The following SCG3 variants were observed in gnomAD, a reference collection of about 807,000 sequenced individuals.
SCG3 encodes the protein secretogranin III.
Under a neutral mutation model 56.2 loss-of-function variants are expected in SCG3, and 38 were observed. The ratio of observed to expected loss-of-function variants is 0.68; its 90% CI spans 0.52 to 0.89. The LOEUF (loss-of-function observed/expected upper bound fraction) is 0.89. Among genes scored for constraint, SCG3 ranks in the 40% least tolerant of loss-of-function variants. The pLI, the probability that SCG3 is intolerant of heterozygous loss-of-function variation, is 0.00. For synonymous variants in SCG3, 176 were observed against 184.2 expected, an observed-to-expected ratio of 0.96 and a Z score of 0.36; for missense variants, 524 against 540.7, an observed-to-expected ratio of 0.97 and a Z score of 0.31.
chr15:51,696,793 G>T (rs958487331), intron 8 of SCG3, among the ~76,000 whole-genome samples: 1 of 152,120 alleles, frequency 6.6e-6, no homozygotes. Flanking sequence ...TCGGAGGACA[G>T]CACCAAGGAG....
At chr15:51,702,851 G>C (rs1481093165) in intron 10 of SCG3, among the ~76,000 whole-genome samples, 1 of 152,160 alleles carries the variant, frequency 6.6e-6, no homozygotes, top group Non-Finnish European at 1.5e-5. Flanking sequence ...TGGCATCTTT[G>C]ATATAATTGG....
At chr15:51,705,844 T>A (rs1445100082) in intron 10 of SCG3, among the ~76,000 whole-genome samples, 1 of 152,178 alleles carries the variant, frequency 6.6e-6, no homozygotes, top group East Asian at 1.9e-4. Flanking sequence ...TTCTTTGCAA[T>A]GGCTCTCCTA....
At chr15:51,688,206 G>A in intron 4 of SCG3, 54 bp from the exon 5 acceptor site, 2 of 1,514,496 alleles carry the variant, frequency 1.3e-6, no homozygotes, top group Non-Finnish European at 9.1e-7. Flanking sequence ...ATAATATGAT[G>A]CATGAAATAG....
At chr15:51,713,665 G>A (rs972673884) in intron 11 of SCG3, among the ~76,000 whole-genome samples, 3 of 152,170 alleles carry the variant, frequency 2.0e-5, no homozygotes, top group African/African-American at 2.4e-5. Context: ...AACGTAGAAC[G>A]AATAGCATAA....
chr15:51,717,383 A>T (rs931461031), intron 11 of SCG3, among the ~76,000 whole-genome samples: 2 of 151,086 alleles, frequency 1.3e-5, no homozygotes. Flanking sequence ...AAAAAAAAAA[A>T]TTAGCCAGGT....
intron 10 of SCG3, 167 bp from the exon 11 acceptor site, chr15:51,713,166 C>A: frequency 2.2e-6 from 1 of 460,368 alleles, no homozygotes; most frequent in Non-Finnish European, 3.9e-6. Flanking sequence ...CCTCAACACA[C>A]AAACACACAT....
intron 5 of SCG3, 148 bp from the exon 6 acceptor site, chr15:51,689,071 G>A: frequency 5.0e-6 from 4 of 799,042 alleles, no homozygotes; most frequent in Non-Finnish European, 8.3e-6. Flanking sequence ...CCAGCATGTG[G>A]TGCAGGCGTA....
intron 10 of SCG3, among the ~76,000 whole-genome samples, chr15:51,712,363 G>T (rs28555597): frequency 0.17 from 25,737 of 152,112 alleles, 2,512 homozygotes; most frequent in Non-Finnish European, 0.21. Context: ...TAAGCCATCT[G>T]GTACTTTCTA....
chr15:51,713,384 A>C lies in SCG3; in HGVS notation c.1259A>C (p.Lys420Thr). ...ATCAGAAAAAATATTGAATGGTTGA[A>C]GAAACATGACAAAAAGGGAAATAAA... Reference protein sequence around the residue: ...EAIRKNIEWLKKHDKKGNKED... With the variant: ...EAIRKNIEWLTKHDKKGNKED... Residue 420 changes from lysine (K) to threonine (T), a missense_variant, in exon 11 of 12, where the codon AAG becomes ACG. Physicochemically the swap from Lys to Thr is moderately conservative, Grantham distance 78. Coordinates refer to ENST00000220478, the MANE Select transcript of SCG3 (RefSeq NM_013243.4). 1 of 1,605,438 alleles carries C rather than the reference A, an allele frequency of 6.2e-7. No individual in the cohort carries two copies.
chr15:51,700,539 T>C (rs1046012600), intron 9 of SCG3, among the ~76,000 whole-genome samples: 3 of 152,168 alleles, frequency 2.0e-5, no homozygotes, highest in African/African-American at 4.8e-5. Context: ...AGTCTCTTCT[T>C]CGAATTTAGG....
intron 10 of SCG3, among the ~76,000 whole-genome samples, chr15:51,703,988 T>C (rs1389291692): frequency 6.6e-6 from 1 of 151,836 alleles, no homozygotes; most frequent in East Asian, 1.9e-4. Context: ...TCAACTCCAA[T>C]TGTTTGGTAG....
At chr15:51,703,156 G>A (rs1206253481) in intron 10 of SCG3, among the ~76,000 whole-genome samples, 1 of 152,140 alleles carries the variant, frequency 6.6e-6, no homozygotes, top group Non-Finnish European at 1.5e-5. Flanking sequence ...TTGTTATGAT[G>A]TGATATGAGA....
In SCG3 at chr15:51,710,752, ATT is replaced by A. The variant is rs60536489; in HGVS notation, c.1208-2559_1208-2558del. Among the ~76,000 whole-genome samples, 862 of 105,254 alleles carry A rather than the reference ATT, an allele frequency of 8.2e-3. 11 individuals are homozygous for A. The highest frequency in any genetic ancestry group is 0.031 in the African/African-American group (826 of 26,868). 69.1% of individuals were successfully genotyped at this position (105,254 alleles called of 152,430 possible). On this transcript the variant is annotated intron_variant, in intron 10 of 11. Coordinates refer to ENST00000220478, the MANE Select transcript of SCG3 (RefSeq NM_013243.4). ...AGATGCACACCACCATGCCTGGCTA[ATT>A]TTTTTTTTTTTTTTTTTTTTTGGTA...
At chr15:51,702,449 G>T (rs1377312642) in intron 10 of SCG3, among the ~76,000 whole-genome samples, 1 of 152,044 alleles carries the variant, frequency 6.6e-6, no homozygotes, top group Non-Finnish European at 1.5e-5. Flanking sequence ...TAGAGATGGG[G>T]TTTCATCAAG....
rs765960357 is a variant in SCG3 at position 51,681,844 on chromosome 15, G to C, written c.82+7G>C. On this transcript the variant is annotated splice_region_variant and intron_variant, in intron 1 of 11. Transcript: ENST00000220478. ...AAACCTGGAGGAAGCCAAGGTATGT[G>C]AACACTTTTCTTCTTCCTACCTTCC... 2 of 1,611,426 alleles carry C rather than the reference G, an allele frequency of 1.2e-6. No homozygotes were observed. The highest frequency in any genetic ancestry group is 1.7e-6 in the Non-Finnish European group (2 of 1,177,678).
intron 10 of SCG3, among the ~76,000 whole-genome samples, chr15:51,704,223 G>A (rs1414540188): frequency 1.9e-5 from 2 of 104,578 alleles, no homozygotes; most frequent in Admixed American, 2.3e-4. Flanking sequence ...ATATATATAT[G>A]TGTGTATACA....
rs2055242520 is a variant in SCG3 at position 51,688,300 on chromosome 15, A to G, written c.438A>G (p.Leu146=). Residue 146 remains leucine, a synonymous_variant, in exon 5 of 12, where the codon TTA becomes TTG. Transcript: ENST00000220478. The part of the protein sequence containing the change: ...DGLHQLDGTP[L]TAEDIVHKIA... The stretch of plus-strand genomic sequence containing the variant: ...TTCATCAACTAGACGGGACTCCTTT[A>G]ACCGCTGAAGACATTGTCCATAAAA... 1.2e-6 allele frequency: 2 copies of G among 1,613,948 alleles called. No individual in the cohort carries two copies. The highest frequency in any genetic ancestry group is 1.7e-6 in the Non-Finnish European group (2 of 1,179,852).
At chr15:51,696,068 C>T (rs184749073) in intron 8 of SCG3, 77 bp downstream of exon 8, 2 of 814,916 alleles carry the variant, frequency 2.5e-6, no homozygotes, top group African/African-American at 3.5e-5. Flanking sequence ...GCAATAATGA[C>T]CTCATTAATT....
chr15:51,690,350 G>A lies in SCG3; in HGVS notation c.690+982G>A, dbSNP rs150717890. On this transcript the variant is annotated intron_variant, in intron 6 of 11. Transcript: ENST00000220478. ...TTGAATTCTCTTTAAAACTTTAGAT[G>A]AAACTGACCATAAGGGGATATCAAA... is the stretch of plus-strand genomic sequence containing the variant. Among the ~76,000 whole-genome samples, 20 of 152,252 alleles carry A rather than the reference G, an allele frequency of 1.3e-4. No individual in the cohort carries two copies. The East Asian group carries it at 3.9e-3, about 29-fold the overall frequency.
Sources: gnomAD v4.1 joint callset for allele counts (sites outside exome capture counted in the v4.1 genomes callset) on GRCh38, gnomAD v4.1.1 for gene constraint, MANE v1.5 for transcripts, NCBI Gene and HGNC (gene_info 2026-07-23, HGNC 2026-07-21) for gene names.